The following ERC2 variants were observed in gnomAD, a reference collection of about 807,000 sequenced individuals.
The protein encoded by ERC2 is ERC protein 2.
A neutral mutation model predicts 114.8 loss-of-function variants in ERC2; 42 were observed. The ratio of observed to expected loss-of-function variants is 0.37; its 90% confidence interval spans 0.29 to 0.47. The LOEUF (loss-of-function observed/expected upper bound fraction) is 0.47. ERC2 is among the 20% of genes least tolerant of loss of function. The pLI is 0.99. For missense variants in ERC2, 939 were observed against 1,150.7 expected (o/e 0.82, Z 2.66); for synonymous variants, 454 against 425.5 (o/e 1.07, Z -0.82).
intron 2 of ERC2, among the ~76,000 whole-genome samples, chr3:56,366,330 T>A (rs1227059412): frequency 6.6e-6 from 1 of 152,212 alleles, no homozygotes; most frequent in Non-Finnish European, 1.5e-5. Flanking sequence ...TAGCAAACTC[T>A]GAATAAATAG....
At chr3:56,411,910 A>T (rs1424480431) in intron 2 of ERC2, among the ~76,000 whole-genome samples, 1 of 152,220 alleles carries the variant, frequency 6.6e-6, no homozygotes, top group East Asian at 1.9e-4. Flanking sequence ...ACAGAAAAAA[A>T]GCTGGAGGGT....
rs1486209779 is a variant in ERC2, at chr3:55,952,171, ACACACACACTCT to A, written c.2268-1623_2268-1612del. 6.7e-4 allele frequency among the ~76,000 whole-genome samples: 40 copies of A among 60,102 alleles called. 1 individual carries two copies. The highest frequency in any genetic ancestry group is 9.1e-4 in the African/African-American group (17 of 18,630). 39.4% of individuals were successfully genotyped at this position (60,102 alleles called of 152,430 possible). A position where few individuals can be genotyped will look rare whatever the true frequency, so the allele number is the denominator to read the frequency against. Reference sequence around the variant, plus strand: ...CACACACACACACACACACACACACACACACACACTCTCTCTCTCTCTCTCTCTATATATATA... The same window carrying A: ...CACACACACACACACACACACACACACTCTCTCTCTCTCTCTATATATATA... On this transcript the variant is annotated intron_variant, in intron 12 of 17. Transcript: ENST00000288221.
chr3:55,655,695 C>T (rs1486276405), intron 17 of ERC2, among the ~76,000 whole-genome samples: 2 of 152,096 alleles, frequency 1.3e-5, no homozygotes, highest in Non-Finnish European at 1.5e-5. Flanking sequence ...CTTCTTTCTC[C>T]AAGACTCCCT....
chr3:55,693,398 G>A (rs757910241), intron 16 of ERC2, among the ~76,000 whole-genome samples: 1 of 152,118 alleles, frequency 6.6e-6, no homozygotes, highest in Non-Finnish European at 1.5e-5. Flanking sequence ...TACATGTTCA[G>A]AGGCTCAGGG....
intron 3 of ERC2, among the ~76,000 whole-genome samples, chr3:56,189,544 G>A (rs531664657): frequency 5.9e-5 from 9 of 152,318 alleles, no homozygotes; most frequent in African/African-American, 2.2e-4. Context: ...AAACTAAGAT[G>A]TTCCTGAATC....
intron 17 of ERC2, among the ~76,000 whole-genome samples, chr3:55,538,801 A>G (rs780899975): frequency 3.3e-5 from 5 of 152,236 alleles, no homozygotes; most frequent in Non-Finnish European, 5.9e-5. Context: ...TTAGATGGGA[A>G]GAATTACTGT....
At chr3:55,566,848 G>A (rs1278808574) in intron 17 of ERC2, among the ~76,000 whole-genome samples, 1 of 152,048 alleles carries the variant, frequency 6.6e-6, no homozygotes, top group Non-Finnish European at 1.5e-5. Context: ...ACAGGTGTAT[G>A]TCACCATGCC....
intron 14 of ERC2, among the ~76,000 whole-genome samples, chr3:55,745,678 C>A (rs1305962607): frequency 6.6e-6 from 1 of 152,208 alleles, no homozygotes; most frequent in Non-Finnish European, 1.5e-5. Context: ...CCAAATACAT[C>A]TGGACTTCAC....
At chr3:55,828,854 TCAGGCCTG>T (rs1271652754) in intron 14 of ERC2, among the ~76,000 whole-genome samples, 1 of 152,132 alleles carries the variant, frequency 6.6e-6, no homozygotes, top group Non-Finnish European at 1.5e-5. Context: ...TTCAAAATAT[TCAGGCCTG>T]GTGAGGTGGC....
At chr3:56,207,609 T>A (rs2048819010) in intron 3 of ERC2, among the ~76,000 whole-genome samples, 1 of 152,122 alleles carries the variant, frequency 6.6e-6, no homozygotes, top group South Asian at 2.1e-4. Context: ...TTACTATCAT[T>A]TAGAAACATG....
intron 14 of ERC2, among the ~76,000 whole-genome samples, chr3:55,869,168 T>C (rs887660714): frequency 7.2e-5 from 11 of 152,148 alleles, no homozygotes; most frequent in Admixed American, 3.3e-4. Context: ...TTGGGATAAA[T>C]GACTTGGGTT....
rs73083381 is a variant in ERC2 at position 55,940,527 on chromosome 3, G to A, written c.2403+9898C>T. Among the ~76,000 whole-genome samples the A allele has an allele frequency of 8.6e-3, 1,303 of 152,188 alleles. 6 individuals are homozygous for A. The highest frequency in any genetic ancestry group is 0.014 in the Non-Finnish European group (957 of 68,008). On this transcript the variant is annotated intron_variant, in intron 13 of 17. Coordinates refer to ENST00000288221, the MANE Select transcript of ERC2 (RefSeq NM_015576.3). ...CAAATACTCTTCTGTCTCAGAGCAC[G>A]CAGCAGCCCAGTAATGCATGTTCTG...
chr3:55,865,083 CTCTCATTTCT>C (rs2062236959), intron 14 of ERC2, among the ~76,000 whole-genome samples: 2 of 150,842 alleles, frequency 1.3e-5, no homozygotes, highest in African/African-American at 4.9e-5. Context: ...ATGAATTTCT[CTCTCATTTCT>C]TGGGAACTAC....
chr3:56,032,783 C>G (rs1186891682), intron 7 of ERC2, among the ~76,000 whole-genome samples: 1 of 150,356 alleles, frequency 6.7e-6, no homozygotes, highest in Non-Finnish European at 1.5e-5. Flanking sequence ...TGTAGGATCA[C>G]TTGAGCCCAG....
chr3:56,040,315 T>A (rs890804321), intron 7 of ERC2, among the ~76,000 whole-genome samples: 3 of 151,896 alleles, frequency 2.0e-5, no homozygotes, highest in Admixed American at 2.0e-4. Flanking sequence ...TTACTTTGAT[T>A]TTTTTTCCAT....
At chr3:56,039,547 A>G (rs754710922) in intron 7 of ERC2, among the ~76,000 whole-genome samples, 5 of 152,230 alleles carry the variant, frequency 3.3e-5, no homozygotes, top group Non-Finnish European at 7.3e-5. Flanking sequence ...TGAAAAATTA[A>G]TATTGCTTAA....
chr3:55,756,033 A>G (rs1291519156), intron 14 of ERC2, among the ~76,000 whole-genome samples: 1 of 152,164 alleles, frequency 6.6e-6, no homozygotes, highest in Non-Finnish European at 1.5e-5. Context: ...ATGAAAAGGA[A>G]CAGGCTTGGC....
intron 3 of ERC2, among the ~76,000 whole-genome samples, chr3:56,244,727 A>G (rs59079055): frequency 0.082 from 12,440 of 152,272 alleles, 687 homozygotes; most frequent in Admixed American, 0.15. Context: ...AAAGTTTAAT[A>G]AATTTAGTAT....
chr3:56,116,033 G>T (rs1450824855), intron 6 of ERC2, among the ~76,000 whole-genome samples: 2 of 152,140 alleles, frequency 1.3e-5, no homozygotes, highest in African/African-American at 2.4e-5. Context: ...CTGCTATAAA[G>T]GCTCTTGCCA....
Sources: allele counts gnomAD v4.1 joint callset (sites outside exome capture counted in the v4.1 genomes callset), GRCh38; gene constraint gnomAD v4.1.1; transcripts MANE v1.5; gene names NCBI Gene and HGNC (gene_info 2026-07-23, HGNC 2026-07-21).